Variants in USP51 observed in about 807,000 individuals in gnomAD.
USP51 encodes the protein ubiquitin specific peptidase 51.
USP51 carries 5 observed loss-of-function variants against 17.6 expected under a neutral mutation model. That is an observed-to-expected ratio of 0.28 (90% CI 0.15 to 0.60). USP51 has a LOEUF of 0.60. Among genes scored for constraint, USP51 ranks in the 20% least tolerant of loss-of-function variants. The pLI is 0.88. For missense variants in USP51, 459 were observed against 559.5 expected, an observed-to-expected ratio of 0.82 and a Z score of 1.81; for synonymous variants, 248 against 216.1, an observed-to-expected ratio of 1.15 and a Z score of -1.29.
In USP51 at chrX:55,488,475, C is replaced by A. The variant is rs1312183085; in HGVS notation, c.465G>T (p.Arg155=). Residue 155 remains arginine (R), a synonymous_variant, in exon 3 of 3, where the codon CGG becomes CGT. Transcript: ENST00000500968. Reference sequence around the variant, plus strand: ...TCCGTGTCTGAGGCCTGGACCCAGGCCGGGATCTGCGCCGGGATCCACGCC... The same window carrying A: ...TCCGTGTCTGAGGCCTGGACCCAGGACGGGATCTGCGCCGGGATCCACGCC... ...RAWRGSRRRS[R]PGSRPQTRRS... is the part of the protein sequence containing the mutation. 3.3e-6 allele frequency: 4 copies of A among 1,206,774 alleles called. No homozygotes were observed. The highest frequency in any genetic ancestry group is 4.5e-6 in the Non-Finnish European group (4 of 893,097).
chrX:55,486,991 G>T lies in USP51; in HGVS notation c.1949C>A (p.Ser650Tyr). 1 of 1,211,629 alleles carries T rather than the reference G, an allele frequency of 8.3e-7. No homozygotes were observed. The highest frequency in any genetic ancestry group is 1.1e-6 in the Non-Finnish European group (1 of 895,522). Residue 650 changes from serine (S) to tyrosine (Y), a missense_variant, in exon 3 of 3, where the codon TCC becomes TAC. By Grantham distance (144) the Ser-to-Tyr change is moderately radical. Transcript: ENST00000500968. Reference protein sequence around the residue: ...TDCVPNENKYSLFAVINHHGT... With the variant: ...TDCVPNENKYYLFAVINHHGT... Reference sequence around the variant, plus strand: ...ATGGTGATTAATCACTGCAAACAAGGAATACTTATTCTCATTGGGCACACA... The same window carrying T: ...ATGGTGATTAATCACTGCAAACAAGTAATACTTATTCTCATTGGGCACACA...
At position 55,486,343 on chromosome X, in the gene USP51, T is replaced by C. The variant is rs2031317614; in HGVS notation, c.*461A>G. On this transcript the variant is annotated 3_prime_UTR_variant, in exon 3 of 3. Transcript: ENST00000500968. The stretch of plus-strand genomic sequence containing the variant: ...ATTTTTTCCTTTTTAAATGTTTTTC[T>C]TTTAAAGCTCTTTAAACTTTATTTT... 1 of 113,425 alleles carries C rather than the reference T, an allele frequency of 8.8e-6. No homozygotes were observed. Among genetic ancestry groups the C allele is most frequent in the Non-Finnish European group, 1.9e-5 (1 of 53,883 alleles). 9.3% of individuals were successfully genotyped at this position (113,425 alleles called of 1,213,427 possible).
chrX:55,488,618 G>A lies in USP51; in HGVS notation c.322C>T (p.Pro108Ser). 8.7e-7 allele frequency: 1 copy of A among 1,149,837 alleles called. No homozygotes were observed. Among genetic ancestry groups the A allele is most frequent in the Admixed American group, 2.5e-5 (1 of 40,466 alleles). The allele number at this position is 1,149,837 out of a possible 1,213,427, so 94.8% of individuals were successfully genotyped here. A position where few individuals can be genotyped will look rare whatever the true frequency, so the allele number is the denominator to read the frequency against. ...VCPRRKPRPR[P>S]QPRARSRSQP... ...CTGCGGGAGCGGGCCCGGGGCTGGGGCCGAGGGCGGGGCTTGCGGCGCGGG... is the reference window on the plus strand; with the variant it reads ...CTGCGGGAGCGGGCCCGGGGCTGGGACCGAGGGCGGGGCTTGCGGCGCGGG... Residue 108 changes from proline to serine, a missense_variant, in exon 3 of 3, where the codon CCC becomes TCC. Physicochemically the swap from Pro to Ser is moderately conservative, Grantham distance 74. Transcript: ENST00000500968.
Position 55,488,189 on chromosome X carries a change from A to C in USP51, c.751T>G (p.Ser251Ala), listed in dbSNP as rs759969773. ...THMNRLHSCL[S>A]CVFFGCFTEK... Reference sequence around the variant, plus strand: ...GTGAAGCAGCCAAAAAAGACACAGGAGAGACAAGAGTGGAGTCTGTTCATA... The same window carrying C: ...GTGAAGCAGCCAAAAAAGACACAGGCGAGACAAGAGTGGAGTCTGTTCATA... Residue 251 changes from serine (S) to alanine (A), a missense_variant, in exon 3 of 3, where the codon TCC becomes GCC. Ser to Ala is a moderately conservative substitution (Grantham distance 99). This residue lies in a region of USP51 where 227 missense variants were observed against 365.5 expected (regional missense o/e 0.62). Coordinates refer to ENST00000500968, the MANE Select transcript of USP51 (RefSeq NM_201286.4). 12 of 1,210,206 alleles carry C rather than the reference A, an allele frequency of 9.9e-6. No individual in the cohort carries two copies. The East Asian group carries it at 3.6e-4, about 36-fold the overall frequency.
Position 55,488,017 on chromosome X carries a change from A to T in USP51, c.923T>A (p.Ile308Asn), listed in dbSNP as rs752301434. 13 of 1,206,453 alleles carry T rather than the reference A, an allele frequency of 1.1e-5. No homozygotes were observed. Among genetic ancestry groups the T allele is most frequent in the Non-Finnish European group, 1.3e-5 (12 of 894,206 alleles). ...TGAGGTGGAAGTTAATAATCTCAAA[A>T]TTTTTTCTTTTGTTTCTTTGGCAAT... ...EQIAKETKEK[I>N]LRLLTSTSTD... Residue 308 changes from isoleucine (I) to asparagine (N), a missense_variant, in exon 3 of 3, where the codon ATT (isoleucine) becomes AAT (asparagine). Ile to Asn is a moderately radical substitution (Grantham distance 149). Transcript: ENST00000500968.
At position 55,488,825 on chromosome X, in the gene USP51, C is replaced by G; in HGVS notation, c.115G>C (p.Glu39Gln). 1 of 1,211,594 alleles carries G rather than the reference C, an allele frequency of 8.3e-7. No homozygotes were observed. Among genetic ancestry groups the G allele is most frequent in the South Asian group, 1.8e-5 (1 of 56,960 alleles). The change falls in exon 3 of 3, where the codon GAG (glutamate) becomes CAG (glutamine). Residue 39 changes from glutamate to glutamine, a missense_variant. Around this residue, in one of 2 missense-constraint regions of USP51, gnomAD observed 232 missense variants for 194.0 expected, o/e 1.20. Transcript: ENST00000500968. ...GCCTTCGTAGCCCCCGCCGCCGCCT[C>G]CTCCATTTTCCCCGCCTTCTCAACC... ...EAVEKAGKME[E>Q]AAAGATKASS...
rs1168194426 is a variant in USP51 at position 55,485,130 on chromosome X, A to C, written c.*1674T>G. 8.9e-6 allele frequency: 1 copy of C among 112,041 alleles called. No individual in the cohort carries two copies. Among genetic ancestry groups the C allele is most frequent in the Non-Finnish European group, 1.9e-5 (1 of 53,185 alleles). The allele number at this position is 112,041 out of a possible 1,213,427, so 9.2% of individuals were successfully genotyped here. On this transcript the variant is annotated 3_prime_UTR_variant, in exon 3 of 3. Coordinates refer to ENST00000500968, the MANE Select transcript of USP51 (RefSeq NM_201286.4). ...GGAAAAAGGAAGGTGGGAAGGCCTC[A>C]GATATGGGTCCCTGCCACTTCCTCA...
Position 55,485,733 on chromosome X carries a change from CTTTA to C in USP51, c.*1067_*1070del, listed in dbSNP as rs1403612929. 2 of 110,284 alleles carry C rather than the reference CTTTA, an allele frequency of 1.8e-5. No individual in the cohort carries two copies. Among genetic ancestry groups the C allele is most frequent in the Admixed American group, 1.9e-4 (2 of 10,443 alleles). 9.1% of individuals were successfully genotyped at this position (110,284 alleles called of 1,213,427 possible). The stretch of plus-strand genomic sequence containing the variant: ...TTTTTAAAAGCTTAAATTTTTAAAT[CTTTA>C]TTTAAATATTTAAAGTTTTCATTTA... On this transcript the variant is annotated 3_prime_UTR_variant, in exon 3 of 3. Transcript: ENST00000500968.
In USP51 at chrX:55,484,809, T is replaced by C. The variant is rs1283130107; in HGVS notation, c.*1995A>G. On this transcript the variant is annotated 3_prime_UTR_variant, in exon 3 of 3. Transcript: ENST00000500968. ...AATAAAGAGGGGAAGAGAGGAACAA[T>C]TTTCTCATTTATACCTGCCTAGAGC... The C allele has an allele frequency of 9.0e-6, 1 of 110,920 alleles. No homozygotes were observed. The highest frequency in any genetic ancestry group is 1.9e-5 in the Non-Finnish European group (1 of 52,959). 9.1% of individuals were successfully genotyped at this position (110,920 alleles called of 1,213,427 possible).
Position 55,487,845 on chromosome X carries a change from T to C in USP51, c.1095A>G (p.Leu365=). The change falls in exon 3 of 3, where the codon CTA becomes CTG. Residue 365 remains leucine, a synonymous_variant. Coordinates refer to ENST00000500968, the MANE Select transcript of USP51 (RefSeq NM_201286.4). ...KSVYTVGLRG[L]INLGNTCFMN... is the part of the protein sequence containing the mutation. ...TAAAACAAGTGTTCCCAAGATTGATTAGCCCTCTCAGGCCTACAGTATAGA... is the reference window on the plus strand; with the variant it reads ...TAAAACAAGTGTTCCCAAGATTGATCAGCCCTCTCAGGCCTACAGTATAGA... 8.3e-7 allele frequency: 1 copy of C among 1,205,111 alleles called. No individual in the cohort carries two copies. Among genetic ancestry groups the C allele is most frequent in the Non-Finnish European group, 1.1e-6 (1 of 892,617 alleles).
In USP51 at chrX:55,486,136, CTTAA is replaced by C. The variant is rs2031313297; in HGVS notation, c.*664_*667del. On this transcript the variant is annotated 3_prime_UTR_variant, in exon 3 of 3. Transcript: ENST00000500968. ...TAAACTTTCATTTTTAACCTTGTTC[CTTAA>C]TTTATTTTACATTTTTAAACTTTAA... 1 of 109,656 alleles carries C rather than the reference CTTAA, an allele frequency of 9.1e-6. No individual in the cohort carries two copies. Among genetic ancestry groups the C allele is most frequent in the African/African-American group, 3.3e-5 (1 of 30,385 alleles). 9.0% of individuals were successfully genotyped at this position (109,656 alleles called of 1,213,427 possible). A position where few individuals can be genotyped will look rare whatever the true frequency, so the allele number is the denominator to read the frequency against.
In USP51 at chrX:55,488,794, G is replaced by A. The variant is rs781001901; in HGVS notation, c.146C>T (p.Ser49Leu). Residue 49 changes from serine (S) to leucine (L), a missense_variant, in exon 3 of 3, where the codon TCG becomes TTG. This residue lies in a region of USP51 where 232 missense variants were observed against 194.0 expected (regional missense o/e 1.20). Transcript: ENST00000500968. The part of the protein sequence containing the change: ...EAAAGATKAS[S>L]RREAEEMKLE... Reference sequence around the variant, plus strand: ...CTTCATCTCCTCGGCTTCACGTCTCGAAGACGCCTTCGTAGCCCCCGCCGC... The same window carrying A: ...CTTCATCTCCTCGGCTTCACGTCTCAAAGACGCCTTCGTAGCCCCCGCCGC... The A allele has an allele frequency of 1.7e-6, 2 of 1,209,032 alleles. No homozygotes were observed. The highest frequency in any genetic ancestry group is 3.0e-5 in the East Asian group (1 of 33,738).
rs2031320248 is a variant in USP51 at position 55,486,534 on chromosome X, C to G, written c.*270G>C. On this transcript the variant is annotated 3_prime_UTR_variant, in exon 3 of 3. Coordinates refer to ENST00000500968, the MANE Select transcript of USP51 (RefSeq NM_201286.4). ...ACACTTCTACTCCCGTTGTCCCCAC[C>G]TAAAGCATTCTTTTCATTTCATTAT... 1 of 295,774 alleles carries G rather than the reference C, an allele frequency of 3.4e-6. No homozygotes were observed. The highest frequency in any genetic ancestry group is 2.7e-5 in the African/African-American group (1 of 36,956). 24.4% of individuals were successfully genotyped at this position (295,774 alleles called of 1,213,427 possible).
Position 55,485,823 on chromosome X carries a change from T to C in USP51, c.*981A>G, listed in dbSNP as rs1179452168. 1.8e-5 allele frequency: 2 copies of C among 111,143 alleles called. No homozygotes were observed. Among genetic ancestry groups the C allele is most frequent in the Non-Finnish European group, 3.8e-5 (2 of 52,914 alleles). 9.2% of individuals were successfully genotyped at this position (111,143 alleles called of 1,213,427 possible). ...ACAAGTCTCTATTTTCTTCCTGTAT[T>C]TTTTCAATTTTTGTCTTTAAACACA... On this transcript the variant is annotated 3_prime_UTR_variant, in exon 3 of 3. Coordinates refer to ENST00000500968, the MANE Select transcript of USP51 (RefSeq NM_201286.4).
chrX:55,488,024 C>T lies in USP51; in HGVS notation c.916G>A (p.Glu306Lys). 8.3e-7 allele frequency: 1 copy of T among 1,206,952 alleles called. No homozygotes were observed. Among genetic ancestry groups the T allele is most frequent in the Non-Finnish European group, 1.1e-6 (1 of 894,200 alleles). The stretch of plus-strand genomic sequence containing the variant: ...GAAGTTAATAATCTCAAAATTTTTT[C>T]TTTTGTTTCTTTGGCAATCTGTTCT... ...DIEQIAKETK[E>K]KILRLLTSTS... The change falls in exon 3 of 3, where the codon GAA (glutamate) becomes AAA (lysine). Residue 306 changes from glutamate (E) to lysine (K), a missense_variant. By Grantham distance (56) the Glu-to-Lys change is moderately conservative. Coordinates refer to ENST00000500968, the MANE Select transcript of USP51 (RefSeq NM_201286.4).
chrX:55,487,532 C>T lies in USP51; in HGVS notation c.1408G>A (p.Gly470Ser), dbSNP rs1335280090. Residue 470 changes from glycine (G) to serine (S), a missense_variant, in exon 3 of 3, where the codon GGT becomes AGT. Around this residue, in one of 2 missense-constraint regions of USP51, gnomAD observed 227 missense variants for 365.5 expected, o/e 0.62. Coordinates refer to ENST00000500968, the MANE Select transcript of USP51 (RefSeq NM_201286.4). ...TTGGGGTTATTGGCCTCCTGCCCAC[C>T]ACTATCATCTTTGCTGTGTCTATGT... is the stretch of plus-strand genomic sequence containing the variant. Reference protein sequence around the residue: ...VLHRHSKDDSGGQEANNPNCC... With the variant: ...VLHRHSKDDSSGQEANNPNCC... 1 of 1,210,358 alleles carries T rather than the reference C, an allele frequency of 8.3e-7. No individual in the cohort carries two copies. Among genetic ancestry groups the T allele is most frequent in the African/African-American group, 1.7e-5 (1 of 57,203 alleles).
Position 55,488,509 on chromosome X carries a change from G to A in USP51, c.431C>T (p.Pro144Leu), listed in dbSNP as rs1389660605. 1 of 1,155,196 alleles carries A rather than the reference G, an allele frequency of 8.7e-7. No individual in the cohort carries two copies. Among genetic ancestry groups the A allele is most frequent in the Non-Finnish European group, 1.2e-6 (1 of 868,341 alleles). The change falls in exon 3 of 3, where the codon CCC becomes CTC. Residue 144 changes from proline (P) to leucine (L), a missense_variant. Pro to Leu is a moderately conservative substitution (Grantham distance 98). Coordinates refer to ENST00000500968, the MANE Select transcript of USP51 (RefSeq NM_201286.4). The part of the protein sequence containing the change: ...PPPPPPPAPR[P>L]RAWRGSRRRS... ...GCGCCGGGATCCACGCCAGGCCCTG[G>A]GCCGCGGTGCGGGTGGGGGCGGGGG...
rs144786782 is a variant in USP51, at chrX:55,488,884, G to T, written c.56C>A (p.Ser19Tyr). 9 of 1,209,432 alleles carry T rather than the reference G, an allele frequency of 7.4e-6. No homozygotes were observed. Among genetic ancestry groups the T allele is most frequent in the Non-Finnish European group, 1.0e-5 (9 of 894,593 alleles). Reference sequence around the variant, plus strand: ...AGGAGAGGCTCCTCCCCCACCTCCGGAGATCCAGCGGACCCCAGAGCCGGA... The same window carrying T: ...AGGAGAGGCTCCTCCCCCACCTCCGTAGATCCAGCGGACCCCAGAGCCGGA... ...LPSGSGVRWI[S>Y]GGGGGASPEE... The change falls in exon 3 of 3, where the codon TCC (serine) becomes TAC (tyrosine). Residue 19 changes from serine (S) to tyrosine (Y), a missense_variant. Physicochemically the swap from Ser to Tyr is moderately radical, Grantham distance 144. Transcript: ENST00000500968.
Position 55,487,220 on chromosome X carries a change from G to A in USP51, c.1720C>T (p.Gln574Ter). Residue 574 changes from glutamine to a stop codon, truncating the protein, a stop_gained, in exon 3 of 3, where the codon CAA becomes TAA. Transcript: ENST00000500968. LOFTEE classifies it high-confidence loss of function. Reference sequence around the variant, plus strand: ...TGTTTAGTAGACTCCTGGTAGCTTTGGCAACTATTGCATTTGATTTTGGCA... The same window carrying A: ...TGTTTAGTAGACTCCTGGTAGCTTTAGCAACTATTGCATTTGATTTTGGCA... The part of the protein sequence containing the change: ...SSAKIKCNSC[Q>*]SYQESTKQLT... 1 of 1,211,684 alleles carries A rather than the reference G, an allele frequency of 8.3e-7. No homozygotes were observed. The highest frequency in any genetic ancestry group is 1.1e-6 in the Non-Finnish European group (1 of 895,493).
Sources: gnomAD v4.1 joint callset for allele counts on GRCh38, gnomAD v4.1.1 for gene constraint, gnomAD v4.1.1 regional missense constraint, MANE v1.5 for transcripts, NCBI Gene and HGNC (gene_info 2026-07-23, HGNC 2026-07-21) for gene names.